Variants in C12orf75 observed in about 807,000 individuals in gnomAD.
C12orf75 encodes the protein chromosome 12 open reading frame 75, also known as overexpressed in colon carcinoma 1 protein.
C12orf75 carries 4 observed loss-of-function variants against 11.4 expected under a neutral mutation model. That is an observed-to-expected ratio of 0.35 (90% CI 0.17 to 0.80). The LOEUF (loss-of-function observed/expected upper bound fraction) is 0.80. Ranked by LOEUF, C12orf75 falls within the 30% of genes least tolerant of loss-of-function variation. C12orf75 has a pLI of 0.52. For synonymous variants in C12orf75, 30 were observed against 30.0 expected (o/e 1.00, Z 0.00); for missense variants, 89 against 80.4 (o/e 1.11, Z -0.41).
At chr12:105,354,565 G>A (rs1388720723) in intron 2 of C12orf75, among the ~76,000 whole-genome samples, 2 of 152,082 alleles carry the variant, frequency 1.3e-5, no homozygotes, top group Non-Finnish European at 2.9e-5. Flanking sequence ...TGTTGCCCCC[G>A]GTGAATGACA....
intron 1 of C12orf75, among the ~76,000 whole-genome samples, chr12:105,345,659 C>CTTTTTTTTTTTTTTTTTTTTTT (rs771376717): frequency 2.7e-5 from 2 of 73,520 alleles, no homozygotes; most frequent in Admixed American, 2.3e-4. Context: ...AGTGTCTGGC[C>CTTTTTTTTTTTTTTTTTTTTTT]TTTTTTTTTT....
chr12:105,359,984 T>G (rs1892838329), intron 2 of C12orf75, among the ~76,000 whole-genome samples: 1 of 152,154 alleles, frequency 6.6e-6, no homozygotes, highest in Admixed American at 6.5e-5. Context: ...ATTGGCCTTG[T>G]CTTCACTTTG....
At position 105,334,659 on chromosome 12, in the gene C12orf75, G is replaced by A. The variant is rs1477127780; in HGVS notation, c.46+3722G>A. On this transcript the variant is annotated intron_variant, in intron 1 of 5. Transcript: ENST00000443585. ...GGGATTGAATAGTTCATTTTAAAGT[G>A]TCACATTTGTTATAAGGCAGGGAGC... Among the ~76,000 whole-genome samples the A allele has an allele frequency of 2.0e-5, 3 of 152,210 alleles. No individual in the cohort carries two copies. In the East Asian group the frequency reaches 5.8e-4, roughly 29 times the overall value.
chr12:105,357,375 T>C (rs1592882868), intron 2 of C12orf75, among the ~76,000 whole-genome samples: 1 of 152,188 alleles, frequency 6.6e-6, no homozygotes, highest in African/African-American at 2.4e-5. Flanking sequence ...TTTCTTTTCT[T>C]CTTTCTTTTT....
rs1041911184 is a variant in C12orf75 at position 105,330,725 on chromosome 12, C to T, written c.-167C>T. 3 of 584,104 alleles carry T rather than the reference C, an allele frequency of 5.1e-6. No individual in the cohort carries two copies. The highest frequency in any genetic ancestry group is 5.0e-5 in the East Asian group (1 of 20,004). The allele number at this position is 584,104 out of a possible 1,614,324, so 36.2% of individuals were successfully genotyped here. A position where few individuals can be genotyped will look rare whatever the true frequency, so the allele number is the denominator to read the frequency against. Reference sequence around the variant, plus strand: ...CCGGCAGCCCGCAGCCCGCTGCGCCCCGGGCCGCGTCTCCCGGCGGTGGGA... The same window carrying T: ...CCGGCAGCCCGCAGCCCGCTGCGCCTCGGGCCGCGTCTCCCGGCGGTGGGA... On this transcript the variant is annotated 5_prime_UTR_variant, in exon 1 of 6. Transcript: ENST00000443585.
intron 1 of C12orf75, among the ~76,000 whole-genome samples, chr12:105,344,768 G>A (rs1030860020): frequency 1.4e-5 from 2 of 145,486 alleles, no homozygotes; most frequent in African/African-American, 5.0e-5. Flanking sequence ...AAAAAAAGTT[G>A]AGGACTCATG....
intron 1 of C12orf75, among the ~76,000 whole-genome samples, chr12:105,348,144 G>T (rs1277031656): frequency 2.6e-5 from 4 of 152,214 alleles, no homozygotes; most frequent in African/African-American, 9.6e-5. Flanking sequence ...GCCCGGTGCA[G>T]TGGCTCATGC....
intron 1 of C12orf75, among the ~76,000 whole-genome samples, chr12:105,347,276 A>C (rs1892652046): frequency 6.6e-6 from 1 of 152,200 alleles, no homozygotes; most frequent in Non-Finnish European, 1.5e-5. Context: ...AGGATAGATG[A>C]ATGTATGAAG....
At chr12:105,346,787 A>G (rs1044843508) in intron 1 of C12orf75, among the ~76,000 whole-genome samples, 1 of 152,238 alleles carries the variant, frequency 6.6e-6, no homozygotes, top group Admixed American at 6.5e-5. Context: ...CAATTTGGCA[A>G]TAACTTTACC....
At chr12:105,353,438 G>C (rs1892738499) in intron 2 of C12orf75, 1 of 152,200 alleles carries the variant, frequency 6.6e-6, no homozygotes, top group East Asian at 1.9e-4. Context: ...AGAATGTGGG[G>C]TGCTCATTGG....
intron 2 of C12orf75, among the ~76,000 whole-genome samples, chr12:105,354,892 G>A (rs770255539): frequency 1.3e-5 from 2 of 152,204 alleles, no homozygotes; most frequent in Admixed American, 1.3e-4. Flanking sequence ...CTGATGGATA[G>A]GGAGGACGGG....
chr12:105,357,817 A>T (rs375144824), intron 2 of C12orf75, among the ~76,000 whole-genome samples: 1,731 of 87,216 alleles, frequency 0.02, 12 homozygotes, highest in Non-Finnish European at 0.032. Context: ...TGAGAGAGAG[A>T]GAGAGAGAGA....
intron 1 of C12orf75, among the ~76,000 whole-genome samples, chr12:105,337,429 C>A (rs544248499): frequency 6.6e-6 from 1 of 152,134 alleles, no homozygotes; most frequent in Non-Finnish European, 1.5e-5. Flanking sequence ...AAACCTGTCT[C>A]TCTGAGAATT....
chr12:105,334,257 G>A (rs1414389592), intron 1 of C12orf75, among the ~76,000 whole-genome samples: 1 of 152,232 alleles, frequency 6.6e-6, no homozygotes, highest in Non-Finnish European at 1.5e-5. Context: ...GCTGGGGGCA[G>A]CCAGCAATGG....
chr12:105,336,571 A>C (rs1178131673), intron 1 of C12orf75, among the ~76,000 whole-genome samples: 1 of 152,206 alleles, frequency 6.6e-6, no homozygotes, highest in African/African-American at 2.4e-5. Flanking sequence ...GTACGTATAG[A>C]AGTGGCATCA....
chr12:105,365,895 A>G, intron 3 of C12orf75, 53 bp downstream of exon 3: 2 of 1,172,866 alleles, frequency 1.7e-6, no homozygotes, highest in Non-Finnish European at 1.2e-6. Context: ...GCCATACCTC[A>G]TGGATTTAAC....
rs1871620731 is a variant in C12orf75 at position 105,371,310 on chromosome 12, A to G, written c.*710A>G. The G allele has an allele frequency of 6.6e-6, 1 of 152,448 alleles. No homozygotes were observed. Among genetic ancestry groups the G allele is most frequent in the Non-Finnish European group, 1.5e-5 (1 of 68,220 alleles). 9.4% of individuals were successfully genotyped at this position (152,448 alleles called of 1,614,324 possible). ...TTCGTGAAAGGCATGTGCAACTACA[A>G]ATACTTCATAGCTGTTTGGGTTGCT... On this transcript the variant is annotated 3_prime_UTR_variant, in exon 6 of 6. Transcript: ENST00000443585.
At chr12:105,333,879 A>T (rs776273099) in intron 1 of C12orf75, among the ~76,000 whole-genome samples, 1 of 152,204 alleles carries the variant, frequency 6.6e-6, no homozygotes, top group Non-Finnish European at 1.5e-5. Context: ...AATACCCCTA[A>T]ATCTGAAATC....
chr12:105,348,041 A>G (rs1892659842), intron 1 of C12orf75, among the ~76,000 whole-genome samples: 2 of 152,228 alleles, frequency 1.3e-5, no homozygotes, highest in Non-Finnish European at 1.5e-5. Flanking sequence ...GGCACCTTGT[A>G]ATTTACAGGA....
Sources: gnomAD v4.1 joint callset for allele counts (sites outside exome capture counted in the v4.1 genomes callset) on GRCh38, gnomAD v4.1.1 for gene constraint, MANE v1.5 for transcripts, NCBI Gene and HGNC (gene_info 2026-07-23, HGNC 2026-07-21) for gene names.